VTI1A: variants seen among roughly 807,000 people sequenced by gnomAD.
The protein encoded by VTI1A is vesicle transport through interaction with t-SNAREs 1A.
VTI1A carries 22 observed loss-of-function variants against 34.9 expected under a neutral mutation model. The observed-to-expected ratio is 0.63, with a 90% CI of 0.45 to 0.90. The LOEUF is 0.90. VTI1A is among the 40% of genes least tolerant of loss of function. VTI1A has a pLI of 0.00. For missense variants in VTI1A, 268 were observed against 275.6 expected (o/e 0.97, Z 0.20); for synonymous variants, 87 against 97.3 (o/e 0.89, Z 0.62).
chr10:112,518,575 C>CTATATA (rs1564809794), intron 3 of VTI1A, among the ~76,000 whole-genome samples: 1 of 113,514 alleles, frequency 8.8e-6, no homozygotes, highest in East Asian at 2.5e-4. Flanking sequence ...CTCTCTCTCT[C>CTATATA]TCTCTCTCTC....
intron 7 of VTI1A, among the ~76,000 whole-genome samples, chr10:112,743,808 A>C (rs756909088): frequency 6.6e-6 from 1 of 152,246 alleles, no homozygotes; most frequent in South Asian, 2.1e-4. Flanking sequence ...TACATTTTCA[A>C]TCAAATATTT....
chr10:112,743,981 A>C (rs1280773008), intron 7 of VTI1A, among the ~76,000 whole-genome samples: 1 of 152,134 alleles, frequency 6.6e-6, no homozygotes, highest in Admixed American at 6.5e-5. Context: ...AAATACTGGG[A>C]CCCTCCCTGT....
intron 7 of VTI1A, among the ~76,000 whole-genome samples, chr10:112,783,296 A>T (rs1192598149): frequency 6.6e-6 from 1 of 152,120 alleles, no homozygotes; most frequent in East Asian, 1.9e-4. Flanking sequence ...CAACTTTGGG[A>T]TATTTAAATT....
chr10:112,660,378 G>A (rs747142665), intron 5 of VTI1A, among the ~76,000 whole-genome samples: 5 of 152,094 alleles, frequency 3.3e-5, no homozygotes, highest in East Asian at 1.9e-4. Context: ...GATTACAGGC[G>A]TGAGCCACCA....
At chr10:112,695,841 T>C (rs902308041) in intron 7 of VTI1A, among the ~76,000 whole-genome samples, 2 of 152,202 alleles carry the variant, frequency 1.3e-5, no homozygotes, top group African/African-American at 2.4e-5. Flanking sequence ...AGGTTCATGA[T>C]GGTTACTTCA....
chr10:112,654,070 T>C (rs1215197404), intron 5 of VTI1A, among the ~76,000 whole-genome samples: 1 of 152,240 alleles, frequency 6.6e-6, no homozygotes, highest in Admixed American at 6.5e-5. Flanking sequence ...AAACTCCCGA[T>C]GTCATAGTGC....
intron 5 of VTI1A, among the ~76,000 whole-genome samples, chr10:112,593,446 A>C (rs1470224244): frequency 6.6e-6 from 1 of 152,230 alleles, no homozygotes; most frequent in Admixed American, 6.5e-5. Context: ...TCTTCAGAGC[A>C]TGTGGGTGTC....
At chr10:112,583,170 A>G (rs1258168511) in intron 5 of VTI1A, among the ~76,000 whole-genome samples, 1 of 152,228 alleles carries the variant, frequency 6.6e-6, no homozygotes, top group Non-Finnish European at 1.5e-5. Context: ...TCGTACTTTC[A>G]TGATTCTCTT....
At chr10:112,806,850 G>C (rs902397888) in intron 7 of VTI1A, among the ~76,000 whole-genome samples, 2 of 152,148 alleles carry the variant, frequency 1.3e-5, no homozygotes, top group African/African-American at 4.8e-5. Context: ...GCCTCCCAAA[G>C]TTCTGGGATT....
chr10:112,812,644 G>C (rs756556947), intron 7 of VTI1A, among the ~76,000 whole-genome samples: 2 of 152,130 alleles, frequency 1.3e-5, no homozygotes, highest in Non-Finnish European at 2.9e-5. Flanking sequence ...TCCAAGGTTG[G>C]GGTGGATGGC....
rs532268141 is a variant in VTI1A, at chr10:112,593,683, G to A, written c.427+55353G>A. Among the ~76,000 whole-genome samples the A allele has an allele frequency of 5.6e-4, 85 of 152,264 alleles. 1 individual carries two copies. Among genetic ancestry groups the A allele is most frequent in the African/African-American group, 2.0e-3 (82 of 41,550 alleles). On this transcript the variant is annotated intron_variant, in intron 5 of 7. Transcript: ENST00000393077. ...AATACCAGGCGTCATAGGCTAGCAG[G>A]CTGTGTATGTGTGAACTCGTTTATT... is the stretch of plus-strand genomic sequence containing the variant.
At chr10:112,671,497 T>C (rs1053154559) in intron 7 of VTI1A, among the ~76,000 whole-genome samples, 1 of 152,212 alleles carries the variant, frequency 6.6e-6, no homozygotes, top group African/African-American at 2.4e-5. Flanking sequence ...TATTCTGTAG[T>C]ATACCAAACC....
At chr10:112,489,060 G>A (rs1348771604) in intron 3 of VTI1A, among the ~76,000 whole-genome samples, 1 of 152,198 alleles carries the variant, frequency 6.6e-6, no homozygotes. Flanking sequence ...ATCACTGGGA[G>A]TGCTTGTTAA....
intron 5 of VTI1A, among the ~76,000 whole-genome samples, chr10:112,551,346 C>T (rs1297252232): frequency 6.7e-6 from 1 of 149,804 alleles, no homozygotes; most frequent in Non-Finnish European, 1.5e-5. Flanking sequence ...AAATAGAGCT[C>T]AGTGGAACCT....
intron 5 of VTI1A, among the ~76,000 whole-genome samples, chr10:112,605,499 C>G (rs1288104090): frequency 6.6e-6 from 1 of 152,180 alleles, no homozygotes; most frequent in East Asian, 1.9e-4. Flanking sequence ...GCTTTCAATT[C>G]CATGGATTCG....
At chr10:112,698,184 T>C (rs11196062) in intron 7 of VTI1A, among the ~76,000 whole-genome samples, 33,382 of 152,074 alleles carry the variant, frequency 0.22, 3,883 homozygotes, top group African/African-American at 0.3. Flanking sequence ...TGCAGTGATA[T>C]GTATATTTTA....
At chr10:112,728,457 A>G (rs1464442379) in intron 7 of VTI1A, among the ~76,000 whole-genome samples, 1 of 152,222 alleles carries the variant, frequency 6.6e-6, no homozygotes, top group African/African-American at 2.4e-5. Flanking sequence ...CTTACCATGC[A>G]TGGGACATTG....
chr10:112,470,839 T>A (rs1187299713), intron 3 of VTI1A, among the ~76,000 whole-genome samples: 1 of 152,072 alleles, frequency 6.6e-6, no homozygotes, highest in Non-Finnish European at 1.5e-5. Context: ...TGAGCTGAGA[T>A]CGCACCACTA....
chr10:112,764,522 T>A (rs1430836114), intron 7 of VTI1A, among the ~76,000 whole-genome samples: 1 of 151,642 alleles, frequency 6.6e-6, no homozygotes, highest in Non-Finnish European at 1.5e-5. Flanking sequence ...CTGAAAAAAA[T>A]TTGAAAATTA....
Sources: allele counts gnomAD v4.1 joint callset (sites outside exome capture counted in the v4.1 genomes callset), GRCh38; gene constraint gnomAD v4.1.1; transcripts MANE v1.5; gene names NCBI Gene and HGNC (gene_info 2026-07-23, HGNC 2026-07-21).